The following SPAG16 variants were observed in gnomAD, a reference collection of about 807,000 sequenced individuals.
SPAG16 encodes sperm-associated antigen 16 protein.
In SPAG16, 86 loss-of-function variants were observed where a neutral mutation model predicts 80.4. The observed-to-expected ratio is 1.07, with a 90% CI of 0.90 to 1.28. SPAG16 has a LOEUF of 1.28. SPAG16 is among the 50% of genes most tolerant of loss of function. The pLI is 0.00. For missense variants in SPAG16, 870 were observed against 765.3 expected (o/e 1.14, Z -1.61); for synonymous variants, 294 against 265.9 (o/e 1.11, Z -1.03).
intron 13 of SPAG16, among the ~76,000 whole-genome samples, chr2:214,021,824 A>G (rs1186426581): frequency 1.3e-5 from 2 of 152,148 alleles, no homozygotes; most frequent in Admixed American, 6.6e-5. Context: ...CACTAAATAA[A>G]CATCTACTAC....
intron 10 of SPAG16, among the ~76,000 whole-genome samples, chr2:213,833,740 A>G (rs556144261): frequency 4.1e-5 from 6 of 145,636 alleles, no homozygotes; most frequent in African/African-American, 1.5e-4. Context: ...TTTTTTTCCA[A>G]CTTAAATGCT....
chr2:213,553,532 T>C (rs2076847322), intron 10 of SPAG16, among the ~76,000 whole-genome samples: 1 of 152,148 alleles, frequency 6.6e-6, no homozygotes, highest in South Asian at 2.1e-4. Context: ...AAAGAGGGGC[T>C]GCACGCTCCT....
chr2:213,807,271 G>A lies in SPAG16; in HGVS notation c.1071-55214G>A, dbSNP rs140589305. 1.7e-3 allele frequency among the ~76,000 whole-genome samples: 253 copies of A among 152,032 alleles called. 1 individual carries two copies. Among genetic ancestry groups the A allele is most frequent in the African/African-American group, 5.3e-3 (220 of 41,490 alleles). On this transcript the variant is annotated intron_variant, in intron 10 of 15. Coordinates refer to ENST00000331683, the MANE Select transcript of SPAG16 (RefSeq NM_024532.5). The stretch of plus-strand genomic sequence containing the variant: ...TTTGCACTGCTTTTTAGTCTATTTG[G>A]AGGGGGAGATTCTTGTCCTCGACTC...
At chr2:213,967,986 A>C (rs1327947441) in intron 12 of SPAG16, among the ~76,000 whole-genome samples, 1 of 152,194 alleles carries the variant, frequency 6.6e-6, no homozygotes, top group Non-Finnish European at 1.5e-5. Flanking sequence ...TAAAGGTAGA[A>C]TACTTATATA....
intron 15 of SPAG16, among the ~76,000 whole-genome samples, chr2:214,183,550 A>G (rs2057371415): frequency 1.3e-5 from 2 of 152,006 alleles, no homozygotes; most frequent in African/African-American, 4.8e-5. Flanking sequence ...TCAATAAAGA[A>G]AGCAGAAGCT....
chr2:213,439,060 A>G (rs760557571), intron 9 of SPAG16, among the ~76,000 whole-genome samples: 12 of 152,346 alleles, frequency 7.9e-5, no homozygotes, highest in Middle Eastern at 3.4e-3. Flanking sequence ...GGAGACTCAG[A>G]TGAGAATTGC....
At chr2:214,166,349 G>C (rs1039166168) in intron 15 of SPAG16, among the ~76,000 whole-genome samples, 4 of 152,142 alleles carry the variant, frequency 2.6e-5, no homozygotes, top group African/African-American at 9.7e-5. Flanking sequence ...TTGACGAATG[G>C]GAGGCACTTA....
intron 15 of SPAG16, among the ~76,000 whole-genome samples, chr2:214,198,563 G>A (rs577423751): frequency 6.6e-6 from 1 of 152,174 alleles, no homozygotes; most frequent in Non-Finnish European, 1.5e-5. Context: ...ATAAACATGT[G>A]TGTCCACGTA....
chr2:213,704,990 C>T (rs1223532125), intron 10 of SPAG16, among the ~76,000 whole-genome samples: 9 of 152,104 alleles, frequency 5.9e-5, no homozygotes, highest in African/African-American at 1.7e-4. Context: ...CATGGGCTTG[C>T]GCCTGTAATC....
At chr2:214,053,512 G>A (rs1172957679) in intron 13 of SPAG16, among the ~76,000 whole-genome samples, 1 of 151,936 alleles carries the variant, frequency 6.6e-6, no homozygotes, top group Non-Finnish European at 1.5e-5. Flanking sequence ...TTTTATGTAT[G>A]GCAGAGAAGT....
At chr2:213,426,906 T>G (rs2069967984) in intron 9 of SPAG16, among the ~76,000 whole-genome samples, 2 of 151,308 alleles carry the variant, frequency 1.3e-5, no homozygotes, top group South Asian at 4.2e-4. Context: ...ATAGGATCCT[T>G]TATTTGATAT....
chr2:214,302,941 A>G (rs1016618700), intron 15 of SPAG16, among the ~76,000 whole-genome samples: 6 of 151,594 alleles, frequency 4.0e-5, no homozygotes, highest in African/African-American at 1.2e-4. Context: ...AAGAAAAGCT[A>G]CTCCTGTTCA....
intron 10 of SPAG16, among the ~76,000 whole-genome samples, chr2:213,665,644 A>G (rs936410406): frequency 5.9e-5 from 9 of 152,170 alleles, no homozygotes; most frequent in African/African-American, 2.2e-4. Flanking sequence ...CTCTGGTCAC[A>G]TTTCATCAAC....
chr2:213,761,396 A>C (rs1205975274), intron 10 of SPAG16, among the ~76,000 whole-genome samples: 1 of 152,226 alleles, frequency 6.6e-6, no homozygotes, highest in Non-Finnish European at 1.5e-5. Flanking sequence ...GAAAGGAAAT[A>C]ATAAAAATTC....
chr2:213,331,450 T>C (rs13404522), intron 5 of SPAG16, among the ~76,000 whole-genome samples: 29,466 of 152,176 alleles, frequency 0.19, 3,795 homozygotes, highest in Non-Finnish European at 0.29. Context: ...AAAGCAAATA[T>C]TATTAGAGCT....
intron 6 of SPAG16, among the ~76,000 whole-genome samples, chr2:213,346,813 T>C (rs368059333): frequency 0.19 from 27,912 of 147,262 alleles, 3,425 homozygotes; most frequent in Non-Finnish European, 0.28. Context: ...TGCATCGATG[T>C]TCATCAGGGA....
chr2:214,183,356 G>C (rs536724059), intron 15 of SPAG16, among the ~76,000 whole-genome samples: 1 of 151,940 alleles, frequency 6.6e-6, no homozygotes, highest in East Asian at 1.9e-4. Context: ...AAAAATAGGG[G>C]CTATTTTTCT....
chr2:213,959,969 A>G (rs2044332352), intron 12 of SPAG16, among the ~76,000 whole-genome samples: 2 of 152,198 alleles, frequency 1.3e-5, no homozygotes, highest in African/African-American at 4.8e-5. Context: ...ATTTCTTTAA[A>G]TATCTCTCTT....
chr2:213,440,141 C>T (rs969288712), intron 9 of SPAG16, among the ~76,000 whole-genome samples: 1 of 152,232 alleles, frequency 6.6e-6, no homozygotes, highest in Middle Eastern at 3.4e-3. Context: ...CAAGCTTGCC[C>T]TACAATTTAA....
Sources: allele counts gnomAD v4.1 joint callset (sites outside exome capture counted in the v4.1 genomes callset), GRCh38; gene constraint gnomAD v4.1.1; transcripts MANE v1.5; gene names NCBI Gene and HGNC (gene_info 2026-07-23, HGNC 2026-07-21).